The following OR4E1 variants were observed in gnomAD, a reference collection of about 807,000 sequenced individuals.
The protein encoded by OR4E1 is olfactory receptor 4E1.
rs1880910053 is a variant in OR4E1, at chr14:21,670,952, C to T, written c.-17G>A. 1 of 398,458 alleles carries T rather than the reference C, an allele frequency of 2.5e-6. No homozygotes were observed. Among genetic ancestry groups the T allele is most frequent in the African/African-American group, 2.1e-5 (1 of 48,618 alleles). 24.7% of individuals were successfully genotyped at this position (398,458 alleles called of 1,614,324 possible). On this transcript the variant is annotated splice_region_variant and 5_prime_UTR_variant, in exon 2 of 2. Coordinates refer to ENST00000641792, the MANE Select transcript of OR4E1 (RefSeq NM_001317107.2). ...CTCTTCCATTCTCTTTGTTAGACAA[C>T]CTGTAAAGAATTAGAAAAAAAGTCT...
intron 1 of OR4E1, among the ~76,000 whole-genome samples, chr14:21,672,619 G>A (rs1274678538): frequency 6.6e-6 from 1 of 152,184 alleles, no homozygotes; most frequent in African/African-American, 2.4e-5. Context: ...CAAGAATGGG[G>A]CTAGGATTTT....
chr14:21,670,630 C>G lies in OR4E1; in HGVS notation c.306G>C (p.Val102=). 1 of 400,584 alleles carries G rather than the reference C, an allele frequency of 2.5e-6. No individual in the cohort carries two copies. The highest frequency in any genetic ancestry group is 3.6e-5 in the East Asian group (1 of 28,082). The allele number at this position is 400,584 out of a possible 1,614,324, so 24.8% of individuals were successfully genotyped here. A position where few individuals can be genotyped will look rare whatever the true frequency, so the allele number is the denominator to read the frequency against. The change falls in exon 2 of 2, where the codon GTG becomes GTC. Residue 102 remains valine, a synonymous_variant. Transcript: ENST00000641792. The stretch of plus-strand genomic sequence containing the variant: ...AGAGGTGCAGGAAGAACATCTGGGT[C>G]ACACAGGCATCAAAAGAGATGAGCT... ...EEKLISFDAC[V]TQMFFLHLFA...
chr14:21,670,186 T>C lies in OR4E1; in HGVS notation c.750A>G (p.Val250=). Residue 250 remains valine (V), a synonymous_variant, in exon 2 of 2, where the codon GTA becomes GTG. Transcript: ENST00000641792. Reference sequence around the variant, plus strand: ...TGCAGTGTCCCAGGAACAGTGTAACTACAGTGAGATGGGCTGCACAGGTGG... The same window carrying C: ...TGCAGTGTCCCAGGAACAGTGTAACCACAGTGAGATGGGCTGCACAGGTGG... The part of the protein sequence containing the change: ...ALSTCAAHLT[V]VTLFLGHCIF... 1 of 398,720 alleles carries C rather than the reference T, an allele frequency of 2.5e-6. No homozygotes were observed. Among genetic ancestry groups the C allele is most frequent in the Non-Finnish European group, 4.4e-6 (1 of 226,214 alleles). The allele number at this position is 398,720 out of a possible 1,614,324, so 24.7% of individuals were successfully genotyped here.
At position 21,667,961 on chromosome 14, in the gene OR4E1, T is replaced by C. The variant is rs1052414088; in HGVS notation, c.*2027A>G. 2 of 152,656 alleles carry C rather than the reference T, an allele frequency of 1.3e-5. No homozygotes were observed. The highest frequency in any genetic ancestry group is 2.4e-5 in the African/African-American group (1 of 41,444). 9.5% of individuals were successfully genotyped at this position (152,656 alleles called of 1,614,324 possible). A position where few individuals can be genotyped will look rare whatever the true frequency, so the allele number is the denominator to read the frequency against. ...GTGAGTAATTAAATACATTTTTATC[T>C]TGTCTCTGAGTCTGAAAAGCTTTTT... is the stretch of plus-strand genomic sequence containing the variant. On this transcript the variant is annotated 3_prime_UTR_variant, in exon 2 of 2. Transcript: ENST00000641792.
chr14:21,672,702 G>T (rs1354381447), intron 1 of OR4E1, among the ~76,000 whole-genome samples: 1 of 152,052 alleles, frequency 6.6e-6, no homozygotes, highest in Admixed American at 6.5e-5. Flanking sequence ...TGAAATGAAG[G>T]CTTCTGTTCT....
rs77891513 is a variant in OR4E1, at chr14:21,668,471, C to G, written c.*1517G>C. ...CTGAGTGCCTAGGAAATCCCAGCTG[C>G]ATTTAAGCATGCCTTTTTTAGCGAT... is the stretch of plus-strand genomic sequence containing the variant. On this transcript the variant is annotated 3_prime_UTR_variant, in exon 2 of 2. Transcript: ENST00000641792. 17 of 146,858 alleles carry G rather than the reference C, an allele frequency of 1.2e-4. No individual in the cohort carries two copies. The highest frequency in any genetic ancestry group is 4.1e-4 in the African/African-American group (17 of 41,102). 9.1% of individuals were successfully genotyped at this position (146,858 alleles called of 1,614,324 possible).
In OR4E1 at chr14:21,670,287, C is replaced by A. The variant is rs1452564857; in HGVS notation, c.649G>T (p.Val217Phe). The stretch of plus-strand genomic sequence containing the variant: ...ATGACTGCGTAGGACACCACCAGGA[C>A]CACAAAACAGACCACGGAGATCAAT... ...SGLISVVCFV[V>F]LVVSYAVILV... Residue 217 changes from valine (V) to phenylalanine (F), a missense_variant, in exon 2 of 2, where the codon GTC becomes TTC. Transcript: ENST00000641792. 5.0e-6 allele frequency: 2 copies of A among 398,892 alleles called. No individual in the cohort carries two copies. The highest frequency in any genetic ancestry group is 4.1e-5 in the African/African-American group (2 of 48,736). The allele number at this position is 398,892 out of a possible 1,614,324, so 24.7% of individuals were successfully genotyped here.
chr14:21,672,879 A>G (rs981855007), intron 1 of OR4E1, among the ~76,000 whole-genome samples: 1 of 152,292 alleles, frequency 6.6e-6, no homozygotes, highest in Non-Finnish European at 1.5e-5. Context: ...TGTTTTTTGC[A>G]TACATTTCAA....
chr14:21,669,472 T>C lies in OR4E1; in HGVS notation c.*516A>G, dbSNP rs1474484730. 2 of 152,274 alleles carry C rather than the reference T, an allele frequency of 1.3e-5. No homozygotes were observed. Among genetic ancestry groups the C allele is most frequent in the African/African-American group, 4.8e-5 (2 of 41,474 alleles). The allele number at this position is 152,274 out of a possible 1,614,324, so 9.4% of individuals were successfully genotyped here. ...TCTTCTTTCTCTGTCACCAAAGTCA[T>C]GTGGAAACTCACTTTATCTGCTTCA... is the stretch of plus-strand genomic sequence containing the variant. On this transcript the variant is annotated 3_prime_UTR_variant, in exon 2 of 2. Transcript: ENST00000641792.
At chr14:21,671,409 A>G (rs1880941645) in intron 1 of OR4E1, among the ~76,000 whole-genome samples, 1 of 152,132 alleles carries the variant, frequency 6.6e-6, no homozygotes, top group South Asian at 2.1e-4. Context: ...CTTTTCATCA[A>G]CCCAAACCAC....
Position 21,668,261 on chromosome 14 carries a change from A to G in OR4E1, c.*1727T>C, listed in dbSNP as rs927633053. On this transcript the variant is annotated 3_prime_UTR_variant, in exon 2 of 2. Coordinates refer to ENST00000641792, the MANE Select transcript of OR4E1 (RefSeq NM_001317107.2). ...TTCCATTTGGGCTCATTGGAAAGAT[A>G]TTTAGATATTTCTCCTTATTGTCTG... 1.2e-5 allele frequency: 1 copy of G among 85,614 alleles called. No homozygotes were observed. Among genetic ancestry groups the G allele is most frequent in the Non-Finnish European group, 2.7e-5 (1 of 37,200 alleles). The allele number at this position is 85,614 out of a possible 1,614,324, so 5.3% of individuals were successfully genotyped here.
intron 1 of OR4E1, among the ~76,000 whole-genome samples, chr14:21,671,735 C>T (rs944585904): frequency 2.6e-5 from 4 of 152,064 alleles, no homozygotes; most frequent in African/African-American, 4.8e-5. Context: ...CTTACTGGCC[C>T]ACAAGTGAAA....
chr14:21,672,428 C>T (rs927506488), intron 1 of OR4E1, among the ~76,000 whole-genome samples: 1 of 152,212 alleles, frequency 6.6e-6, no homozygotes, highest in Non-Finnish European at 1.5e-5. Context: ...ATTAAACTCA[C>T]TGTGTCCAGT....
Position 21,669,135 on chromosome 14 carries a change from T to C in OR4E1, c.*853A>G, listed in dbSNP as rs1030682199. The C allele has an allele frequency of 1.3e-5, 2 of 152,228 alleles. No individual in the cohort carries two copies. Among genetic ancestry groups the C allele is most frequent in the Admixed American group, 1.3e-4 (2 of 15,282 alleles). 9.4% of individuals were successfully genotyped at this position (152,228 alleles called of 1,614,324 possible). On this transcript the variant is annotated 3_prime_UTR_variant, in exon 2 of 2. Coordinates refer to ENST00000641792, the MANE Select transcript of OR4E1 (RefSeq NM_001317107.2). ...AAATGTAACTTCCTCAGAGAGGCCATCCTTGACCACTAAAGCAAGTCTCTT... is the reference window on the plus strand; with the variant it reads ...AAATGTAACTTCCTCAGAGAGGCCACCCTTGACCACTAAAGCAAGTCTCTT...
At chr14:21,671,989 G>A (rs8008075) in intron 1 of OR4E1, among the ~76,000 whole-genome samples, 1,980 of 152,160 alleles carry the variant, frequency 0.013, 44 homozygotes, top group African/African-American at 0.045. Flanking sequence ...CCCGACTCTT[G>A]GTTCAGGCTT....
At position 21,673,213 on chromosome 14, in the gene OR4E1, G is replaced by C. The variant is rs749034084; in HGVS notation, c.-141C>G. On this transcript the variant is annotated 5_prime_UTR_variant, in exon 1 of 2. Coordinates refer to ENST00000641792, the MANE Select transcript of OR4E1 (RefSeq NM_001317107.2). The stretch of plus-strand genomic sequence containing the variant: ...TTTTCTGGTAAAAGGTACTATTTCA[G>C]GCTGTCTGTAAAAATCACACCTTTG... 2 of 151,984 alleles carry C rather than the reference G, an allele frequency of 1.3e-5. No individual in the cohort carries two copies. Among genetic ancestry groups the C allele is most frequent in the Non-Finnish European group, 2.9e-5 (2 of 68,002 alleles). 9.4% of individuals were successfully genotyped at this position (151,984 alleles called of 1,614,324 possible). A position where few individuals can be genotyped will look rare whatever the true frequency, so the allele number is the denominator to read the frequency against.
chr14:21,672,383 T>C (rs1207159884), intron 1 of OR4E1, among the ~76,000 whole-genome samples: 1 of 152,224 alleles, frequency 6.6e-6, no homozygotes, highest in Non-Finnish European at 1.5e-5. Flanking sequence ...AAGATATTTT[T>C]GGGGCCAGAG....
At chr14:21,671,111 T>G (rs1477585567) in intron 1 of OR4E1, among the ~76,000 whole-genome samples, 159 bp from the exon 2 acceptor site, 2 of 152,310 alleles carry the variant, frequency 1.3e-5, no homozygotes, top group East Asian at 1.9e-4. Context: ...TCTTACATGA[T>G]GATACACCCA....
At chr14:21,672,233 T>C (rs1880993411) in intron 1 of OR4E1, among the ~76,000 whole-genome samples, 1 of 152,196 alleles carries the variant, frequency 6.6e-6, no homozygotes, top group African/African-American at 2.4e-5. Context: ...AAGCTGTCTC[T>C]CTTGGTTGCT....
Sources: gnomAD v4.1 joint callset for allele counts (sites outside exome capture counted in the v4.1 genomes callset) on GRCh38, gnomAD v4.1.1 for gene constraint, MANE v1.5 for transcripts, NCBI Gene and HGNC (gene_info 2026-07-23, HGNC 2026-07-21) for gene names.